BIRC2: variants seen among roughly 807,000 people sequenced by gnomAD.
BIRC2 encodes the protein baculoviral IAP repeat-containing protein 2.
In BIRC2, 18 loss-of-function variants were observed where a neutral mutation model predicts 60.9. That is an observed-to-expected ratio of 0.30 (90% confidence interval 0.20 to 0.44). The LOEUF is 0.44. Ranked by LOEUF, BIRC2 falls within the 20% of genes least tolerant of loss-of-function variation. BIRC2 has a pLI of 1.00. For synonymous variants in BIRC2, 282 were observed against 247.7 expected, an observed-to-expected ratio of 1.14 and a Z score of -1.30; for missense variants, 701 against 728.5, an observed-to-expected ratio of 0.96 and a Z score of 0.43.
At chr11:102,368,171 AGGT>A in intron 5 of BIRC2, 132 bp from the exon 6 acceptor site, 1 of 972,050 alleles carries the variant, frequency 1.0e-6, no homozygotes, top group Non-Finnish European at 1.5e-6. Flanking sequence ...TTGGAGTTAT[AGGT>A]AATCGATGCA....
intron 6 of BIRC2, among the ~76,000 whole-genome samples, chr11:102,377,080 C>T (rs547188965): frequency 6.6e-6 from 1 of 152,018 alleles, no homozygotes; most frequent in Non-Finnish European, 1.5e-5. Flanking sequence ...CTTTTTTCTC[C>T]CTATGTAAAA....
intron 4 of BIRC2, 23 bp from the exon 5 acceptor site, chr11:102,363,645 T>G (rs1412189406): frequency 3.7e-6 from 6 of 1,602,492 alleles, no homozygotes; most frequent in Non-Finnish European, 4.3e-6. Context: ...CTTTTACCTA[T>G]TAACTTTTCT....
rs1951335222 is a variant in BIRC2 at position 102,349,918 on chromosome 11, A to G, written c.64A>G (p.Met22Val). The change falls in exon 2 of 9, where the codon ATG (methionine) becomes GTG (valine). Residue 22 changes from methionine (M) to valine (V), a missense_variant. Around this residue, in one of 4 missense-constraint regions of BIRC2, gnomAD observed 375 missense variants for 365.9 expected, o/e 1.02. Transcript: ENST00000227758. ...CTCGTATCAAAACATTAAGAGTATA[A>G]TGGAAGATAGCACGATCTTGTCAGA... ...GPSYQNIKSI[M>V]EDSTILSDWT... The G allele has an allele frequency of 1.2e-6, 2 of 1,614,070 alleles. No homozygotes were observed. Among genetic ancestry groups the G allele is most frequent in the African/African-American group, 1.3e-5 (1 of 74,944 alleles).
At chr11:102,373,389 C>G (rs1951659066) in intron 6 of BIRC2, among the ~76,000 whole-genome samples, 1 of 152,110 alleles carries the variant, frequency 6.6e-6, no homozygotes, top group African/African-American at 2.4e-5. Flanking sequence ...TCACCATTTG[C>G]TTGTCTGTGA....
At chr11:102,362,794 C>T (rs1728030514) in intron 3 of BIRC2, 102 bp from the exon 4 acceptor site, 2 of 828,118 alleles carry the variant, frequency 2.4e-6, no homozygotes. Flanking sequence ...AATGTTTTTA[C>T]TATGGAGTAC....
intron 6 of BIRC2, among the ~76,000 whole-genome samples, chr11:102,373,215 G>A (rs1591542913): frequency 1.3e-5 from 2 of 152,202 alleles, no homozygotes; most frequent in East Asian, 3.9e-4. Context: ...TCATTATGAT[G>A]TTAGCTGGTG....
rs993651163 is a variant in BIRC2 at position 102,377,691 on chromosome 11, C to G, written c.1562C>G (p.Ala521Gly). 1.2e-6 allele frequency: 2 copies of G among 1,610,566 alleles called. No homozygotes were observed. The highest frequency in any genetic ancestry group is 1.7e-6 in the Non-Finnish European group (2 of 1,179,192). Residue 521 changes from alanine to glycine, a missense_variant, in exon 7 of 9, where the codon GCC becomes GGC. By Grantham distance (60) the Ala-to-Gly change is moderately conservative (BLOSUM62 0). Coordinates refer to ENST00000227758, the MANE Select transcript of BIRC2 (RefSeq NM_001166.5). ...ATTTTGGTTAAAGGAAATGCTGCGG[C>G]CAACATCTTCAAAAACTGTCTAAAA... Reference protein sequence around the residue: ...DTILVKGNAAANIFKNCLKEI... With the variant: ...DTILVKGNAAGNIFKNCLKEI...
intron 5 of BIRC2, among the ~76,000 whole-genome samples, chr11:102,364,172 T>TATATATATAC (rs1351743517): frequency 1.1e-4 from 10 of 89,712 alleles, no homozygotes; most frequent in East Asian, 7.2e-4. Flanking sequence ...TATATATATA[T>TATATATATAC]ATACACACAC....
chr11:102,376,470 A>G (rs1951715491), intron 6 of BIRC2, among the ~76,000 whole-genome samples: 1 of 152,240 alleles, frequency 6.6e-6, no homozygotes, highest in Non-Finnish European at 1.5e-5. Context: ...AAAAGGGGAA[A>G]GAAGATAGGC....
intron 5 of BIRC2, among the ~76,000 whole-genome samples, chr11:102,364,777 G>C (rs931632540): frequency 4.1e-5 from 6 of 147,868 alleles, no homozygotes; most frequent in African/African-American, 1.5e-4. Context: ...TATTTGACTG[G>C]AAAATAGGAA....
In BIRC2 at chr11:102,357,209, A is replaced by G. The variant is rs138791268; in HGVS notation, c.996-5687A>G. 5.6e-3 allele frequency among the ~76,000 whole-genome samples: 859 copies of G among 152,142 alleles called. 8 individuals carry two copies. The highest frequency in any genetic ancestry group is 0.034 in the Middle Eastern group (10 of 294). ...CCTGGTCTGGCTTTGGTATCAGAGT[A>G]ATGCTTGGCTTCATAAAATGAGTTT... On this transcript the variant is annotated intron_variant, in intron 3 of 8. Coordinates refer to ENST00000227758, the MANE Select transcript of BIRC2 (RefSeq NM_001166.5).
At position 102,349,895 on chromosome 11, in the gene BIRC2, CGTA is replaced by C. The variant is rs760102731; in HGVS notation, c.42_44del (p.Tyr15del). 1 of 1,612,592 alleles carries C rather than the reference CGTA, an allele frequency of 6.2e-7. No individual in the cohort carries two copies. Among genetic ancestry groups the C allele is most frequent in the Non-Finnish European group, 8.5e-7 (1 of 1,179,020 alleles). On this transcript the variant is annotated inframe_deletion, in exon 2 of 9. Transcript: ENST00000227758. ...TCCCAAAGACTTTTCCCAGGTCCCT[CGTA>C]TCAAAACATTAAGAGTATAATGGAA...
At chr11:102,372,617 G>A (rs1458741327) in intron 6 of BIRC2, among the ~76,000 whole-genome samples, 2 of 144,548 alleles carry the variant, frequency 1.4e-5, no homozygotes, top group Non-Finnish European at 3.0e-5. Flanking sequence ...TAGGTGTGGT[G>A]TGGTGCTGAA....
At position 102,364,172 on chromosome 11, in the gene BIRC2, T is replaced by TATATATATATATATATAC. The variant is rs1351743517; in HGVS notation, c.1123+459_1123+460insTATATATATATATACATA. Among the ~76,000 whole-genome samples the TATATATATATATATATAC allele has an allele frequency of 6.7e-5, 6 of 89,724 alleles. No homozygotes were observed. The East Asian group carries it at 1.1e-3, about 16-fold the overall frequency. 58.9% of individuals were successfully genotyped at this position (89,724 alleles called of 152,430 possible). A position where few individuals can be genotyped will look rare whatever the true frequency, so the allele number is the denominator to read the frequency against. Reference sequence around the variant, plus strand: ...ATATATATATATATATATATATATATATACACACACACACAGAGAGAGAGA... The same window carrying TATATATATATATATATAC: ...ATATATATATATATATATATATATATATATATATATATATATACATACACACACACACAGAGAGAGAGA... On this transcript the variant is annotated intron_variant, in intron 5 of 8. Coordinates refer to ENST00000227758, the MANE Select transcript of BIRC2 (RefSeq NM_001166.5).
At chr11:102,352,102 C>CTT (rs769740458) in intron 3 of BIRC2, among the ~76,000 whole-genome samples, 7 of 137,576 alleles carry the variant, frequency 5.1e-5, no homozygotes, top group Admixed American at 7.3e-5. Flanking sequence ...TTGTCTTTCT[C>CTT]TTTTTTTTTT....
chr11:102,358,461 T>C (rs756259844), intron 3 of BIRC2, among the ~76,000 whole-genome samples: 9 of 152,202 alleles, frequency 5.9e-5, no homozygotes, highest in Non-Finnish European at 1.3e-4. Context: ...TAAGGAATAT[T>C]CAACCTGTAT....
chr11:102,377,445 A>G (rs747330276), intron 6 of BIRC2, 51 bp from the exon 7 acceptor site: 4 of 1,511,450 alleles, frequency 2.6e-6, no homozygotes. Flanking sequence ...ATATGAGTAT[A>G]GTTAAAGGAG....
chr11:102,358,840 C>G (rs889597007), intron 3 of BIRC2, among the ~76,000 whole-genome samples: 2 of 152,130 alleles, frequency 1.3e-5, no homozygotes, highest in African/African-American at 2.4e-5. Flanking sequence ...TTCCTATACC[C>G]ATGCATGTGC....
Position 102,349,821 on chromosome 11 carries a change from T to C in BIRC2, c.-34T>C. The stretch of plus-strand genomic sequence containing the variant: ...TTCATGTGAAGAAATTTCATGTGAA[T>C]GTTTTAGCTATCAAACAGTACTGTC... On this transcript the variant is annotated 5_prime_UTR_variant, in exon 2 of 9. An upstream start codon of the reference 5' UTR is lost. Coordinates refer to ENST00000227758, the MANE Select transcript of BIRC2 (RefSeq NM_001166.5). The C allele has an allele frequency of 6.6e-7, 1 of 1,524,544 alleles. No individual in the cohort carries two copies. Among genetic ancestry groups the C allele is most frequent in the Non-Finnish European group, 8.8e-7 (1 of 1,137,242 alleles). The allele number at this position is 1,524,544 out of a possible 1,614,324, so 94.4% of individuals were successfully genotyped here. A position where few individuals can be genotyped will look rare whatever the true frequency, so the allele number is the denominator to read the frequency against.
Sources: gnomAD v4.1 joint callset for allele counts (sites outside exome capture counted in the v4.1 genomes callset) on GRCh38, gnomAD v4.1.1 for gene constraint, gnomAD v4.1.1 regional missense constraint, MANE v1.5 for transcripts, NCBI Gene and HGNC (gene_info 2026-07-23, HGNC 2026-07-21) for gene names.